MRC1: variants seen among roughly 807,000 people sequenced by gnomAD.
MRC1 encodes macrophage mannose receptor 1.
MRC1 carries 62 observed loss-of-function variants against 102.9 expected under a neutral mutation model. That is an observed-to-expected ratio of 0.60 (90% CI 0.49 to 0.74). The LOEUF is 0.74. Among genes scored for constraint, MRC1 ranks in the 30% least tolerant of loss-of-function variants. The pLI, the probability that MRC1 is intolerant of heterozygous loss-of-function variation, is 0.00. For synonymous variants in MRC1, 457 were observed against 298.4 expected, an observed-to-expected ratio of 1.53 and a Z score of -5.48; for missense variants, 1,237 against 862.8, an observed-to-expected ratio of 1.43 and a Z score of -5.43.
At chr10:17,892,348 A>G (rs1554843181) in intron 22 of MRC1, among the ~76,000 whole-genome samples, 1 of 152,170 alleles carries the variant, frequency 6.6e-6, no homozygotes, top group Non-Finnish European at 1.5e-5. Context: ...ACCTCCAGCA[A>G]TGTGTCAATG....
intron 17 of MRC1, among the ~76,000 whole-genome samples, chr10:17,876,374 A>C (rs1474720999): frequency 6.6e-6 from 1 of 151,454 alleles, no homozygotes; most frequent in African/African-American, 2.4e-5. Flanking sequence ...CAGCCTTCTG[A>C]GTAGCTGGGA....
chr10:17,874,546 A>G (rs992036099), intron 16 of MRC1, among the ~76,000 whole-genome samples: 7 of 152,190 alleles, frequency 4.6e-5, no homozygotes, highest in Non-Finnish European at 7.3e-5. Context: ...AGGGGTTAGG[A>G]ACTAGATACC....
chr10:17,897,871 T>G (rs1305321538), intron 23 of MRC1, among the ~76,000 whole-genome samples, 163 bp from the exon 24 acceptor site: 18 of 152,226 alleles, frequency 1.2e-4, no homozygotes, highest in Admixed American at 9.8e-4. Flanking sequence ...AAAAAATGTT[T>G]GTTTTCTAGT....
At chr10:17,816,897 G>C (rs1325646173) in intron 1 of MRC1, among the ~76,000 whole-genome samples, 3 of 152,102 alleles carry the variant, frequency 2.0e-5, no homozygotes, top group Non-Finnish European at 4.4e-5. Flanking sequence ...TTCTTTGCTA[G>C]TAGGCTTGGG....
At chr10:17,875,895 G>C (rs1833429959) in intron 17 of MRC1, among the ~76,000 whole-genome samples, 2 of 152,174 alleles carry the variant, frequency 1.3e-5, no homozygotes, top group African/African-American at 4.8e-5. Context: ...ATGTAAAAAT[G>C]TTTCCTTTTC....
At chr10:17,861,644 T>C in intron 10 of MRC1, 142 bp downstream of exon 10, 1 of 608,982 alleles carries the variant, frequency 1.6e-6, no homozygotes, top group Admixed American at 2.9e-5. Context: ...TTAAAAATAA[T>C]ATTCTTATTT....
chr10:17,866,476 T>C (rs2130668872), intron 11 of MRC1, 86 bp from the exon 12 acceptor site: 1 of 780,108 alleles, frequency 1.3e-6, no homozygotes, highest in South Asian at 1.3e-5. Context: ...AGAACCCTGA[T>C]GCTCGGTTCT....
rs1833217855 is a variant in MRC1, at chr10:17,863,635, C to A, written c.1736C>A (p.Thr579Asn). Residue 579 changes from threonine (T) to asparagine (N), a missense_variant, in exon 11 of 30, where the codon ACC becomes AAC. Coordinates refer to ENST00000569591, the MANE Select transcript of MRC1 (RefSeq NM_002438.4). ...DIQTKGTFQW[T>N]IEEEVRFTHW... is the part of the protein sequence containing the mutation. ...CAAACCAAAGGGACTTTTCAGTGGA[C>A]CATCGAGGAAGAGGTTCGGTTCACC... 3.8e-6 allele frequency: 3 copies of A among 780,788 alleles called. No homozygotes were observed. Among genetic ancestry groups the A allele is most frequent in the Non-Finnish European group, 7.2e-6 (3 of 417,964 alleles). 48.4% of individuals were successfully genotyped at this position (780,788 alleles called of 1,614,324 possible).
intron 21 of MRC1, among the ~76,000 whole-genome samples, chr10:17,882,315 C>T (rs1045574892): frequency 5.3e-5 from 8 of 151,822 alleles, no homozygotes; most frequent in South Asian, 2.1e-4. Flanking sequence ...AGATAGAAGA[C>T]GTGGAACCAA....
chr10:17,898,958 A>G (rs1166690944), intron 24 of MRC1, among the ~76,000 whole-genome samples: 1 of 152,188 alleles, frequency 6.6e-6, no homozygotes, highest in African/African-American at 2.4e-5. Flanking sequence ...TATAAGAAGT[A>G]TCAAAGAGAG....
chr10:17,849,727 C>T lies in MRC1; in HGVS notation c.1212C>T (p.Ile404=), dbSNP rs71497224. 623,010 of 780,510 alleles carry T rather than the reference C, an allele frequency of 0.8. 250,328 individuals carry two copies. Among genetic ancestry groups the T allele is most frequent in the South Asian group, 0.86 (64,118 of 74,598 alleles). The allele number at this position is 780,510 out of a possible 1,614,324, so 48.3% of individuals were successfully genotyped here. A position where few individuals can be genotyped will look rare whatever the true frequency, so the allele number is the denominator to read the frequency against. The part of the protein sequence containing the change: ...EGGDLTSIHT[I]EELDFIISQL... ...GTGACCTCACAAGTATCCACACCAT[C>T]GAGGAATTGGACTTTATTATCTCCC... Residue 404 remains isoleucine (I), a synonymous_variant, in exon 7 of 30, where the codon ATC becomes ATT. Coordinates refer to ENST00000569591, the MANE Select transcript of MRC1 (RefSeq NM_002438.4).
chr10:17,825,522 C>T (rs1170749377), intron 2 of MRC1, among the ~76,000 whole-genome samples: 2 of 152,092 alleles, frequency 1.3e-5, no homozygotes, highest in South Asian at 2.1e-4. Flanking sequence ...AAGAGGATCA[C>T]TTGATTTCGG....
chr10:17,864,231 C>T (rs899555979), intron 11 of MRC1, among the ~76,000 whole-genome samples: 4 of 151,996 alleles, frequency 2.6e-5, no homozygotes, highest in South Asian at 2.1e-4. Context: ...TCGAACTCCT[C>T]GCCTCAAGTG....
At chr10:17,881,271 T>G (rs917279074) in intron 21 of MRC1, 90 bp downstream of exon 21, 89 of 735,540 alleles carry the variant, frequency 1.2e-4, no homozygotes, top group Non-Finnish European at 2.0e-4. Context: ...AACTGACTTT[T>G]TGGTTTTCCA....
chr10:17,874,106 G>A lies in MRC1; in HGVS notation c.2386+281G>A, dbSNP rs987288824. ...CATATATTAGTGTCCACAGGCTGCT[G>A]TAACCAGTTACCAGGAACTTGGTGG... On this transcript the variant is annotated intron_variant, in intron 16 of 29. Coordinates refer to ENST00000569591, the MANE Select transcript of MRC1 (RefSeq NM_002438.4). 4.6e-5 allele frequency among the ~76,000 whole-genome samples: 7 copies of A among 152,308 alleles called. No homozygotes were observed. In the East Asian group the frequency reaches 7.7e-4, roughly 17 times the overall value.
intron 24 of MRC1, among the ~76,000 whole-genome samples, chr10:17,899,704 T>A (rs1833802514): frequency 6.6e-6 from 1 of 152,148 alleles, no homozygotes; most frequent in African/African-American, 2.4e-5. Flanking sequence ...CTGTAAAATC[T>A]CTATTAGACT....
chr10:17,815,877 A>G (rs1300416014), intron 1 of MRC1, among the ~76,000 whole-genome samples: 1 of 151,420 alleles, frequency 6.6e-6, no homozygotes, highest in Non-Finnish European at 1.5e-5. Flanking sequence ...CCCAGGCTAC[A>G]GTGCAGTGGC....
At chr10:17,907,044 G>A (rs1833904594) in intron 27 of MRC1, 45 bp downstream of exon 27, 5 of 776,070 alleles carry the variant, frequency 6.4e-6, no homozygotes, top group Admixed American at 3.4e-5. Context: ...ATTGTAAAAT[G>A]TTGTATGTAA....
chr10:17,830,116 A>C lies in MRC1; in HGVS notation c.637+2401A>C, dbSNP rs1490403490. Among the ~76,000 whole-genome samples, 4 of 151,092 alleles carry C rather than the reference A, an allele frequency of 2.6e-5. No individual in the cohort carries two copies. The East Asian group carries it at 7.7e-4, about 29-fold the overall frequency. On this transcript the variant is annotated intron_variant, in intron 3 of 29. Coordinates refer to ENST00000569591, the MANE Select transcript of MRC1 (RefSeq NM_002438.4). ...TTTCATTTTGTGTTCTTTTCAAAAG[A>C]GTTTTTATTGTATTTATTTATTTAT...
Sources: gnomAD v4.1 joint callset for allele counts (sites outside exome capture counted in the v4.1 genomes callset) on GRCh38, gnomAD v4.1.1 for gene constraint, MANE v1.5 for transcripts, NCBI Gene and HGNC (gene_info 2026-07-23, HGNC 2026-07-21) for gene names.